GALNTL6: variants seen among roughly 807,000 people sequenced by gnomAD.
GALNTL6 encodes polypeptide N-acetylgalactosaminyltransferase-like 6.
A neutral mutation model predicts 73.7 loss-of-function variants in GALNTL6; 46 were observed. The ratio of observed to expected loss-of-function variants is 0.62; its 90% CI spans 0.49 to 0.80. The LOEUF (loss-of-function observed/expected upper bound fraction) is 0.80, where lower values mean the gene tolerates loss of function less well. Ranked by LOEUF, GALNTL6 falls within the 30% of genes least tolerant of loss-of-function variation. GALNTL6 has a pLI of 0.00. For missense variants in GALNTL6, 604 were observed against 755.0 expected (o/e 0.80, Z 2.34); for synonymous variants, 259 against 263.7 (o/e 0.98, Z 0.17).
At chr4:173,035,306 G>A (rs886523360) in intron 12 of GALNTL6, among the ~76,000 whole-genome samples, 58 of 151,954 alleles carry the variant, frequency 3.8e-4, no homozygotes, top group Non-Finnish European at 6.0e-4. Flanking sequence ...AGCCTCCCGA[G>A]TAGTTGGGAT....
chr4:171,950,103 C>T (rs1486095581), intron 2 of GALNTL6, among the ~76,000 whole-genome samples: 2 of 152,158 alleles, frequency 1.3e-5, no homozygotes, highest in Non-Finnish European at 2.9e-5. Flanking sequence ...AGACTGAGAG[C>T]TGATTCCTCA....
At chr4:172,165,594 T>C (rs1193886198) in intron 2 of GALNTL6, among the ~76,000 whole-genome samples, 1 of 152,168 alleles carries the variant, frequency 6.6e-6, no homozygotes, top group Non-Finnish European at 1.5e-5. Flanking sequence ...GGTAGCACTG[T>C]TTTACTATTT....
intron 5 of GALNTL6, among the ~76,000 whole-genome samples, chr4:172,457,032 A>G (rs1390559558): frequency 1.3e-5 from 2 of 152,162 alleles, no homozygotes; most frequent in African/African-American, 4.8e-5. Context: ...GCCAGAAGAG[A>G]GTGGGGGCCA....
At chr4:172,005,308 G>T (rs1740804833) in intron 2 of GALNTL6, among the ~76,000 whole-genome samples, 1 of 151,818 alleles carries the variant, frequency 6.6e-6, no homozygotes, top group African/African-American at 2.4e-5. Context: ...GGTACTTTTT[G>T]TATAGATGAG....
chr4:172,270,013 G>C (rs1738585803), intron 3 of GALNTL6, among the ~76,000 whole-genome samples: 2 of 152,290 alleles, frequency 1.3e-5, no homozygotes, highest in South Asian at 2.1e-4. Flanking sequence ...TGGGATTACA[G>C]GTATGAGCCA....
At chr4:171,966,561 T>C (rs968011999) in intron 2 of GALNTL6, among the ~76,000 whole-genome samples, 2 of 152,160 alleles carry the variant, frequency 1.3e-5, no homozygotes, top group Non-Finnish European at 1.5e-5. Context: ...CTGGTATTTA[T>C]AGTCTGCTGA....
intron 3 of GALNTL6, among the ~76,000 whole-genome samples, chr4:172,290,918 C>G (rs1055048172): frequency 6.6e-6 from 1 of 151,196 alleles, no homozygotes; most frequent in East Asian, 1.9e-4. Flanking sequence ...ACATAAAAAA[C>G]AAGCAAGAAT....
intron 3 of GALNTL6, among the ~76,000 whole-genome samples, chr4:172,311,365 T>TA (rs1740351070): frequency 1.3e-5 from 2 of 152,190 alleles, no homozygotes; most frequent in South Asian, 4.1e-4. Context: ...AAACGTACAC[T>TA]AAAAATCTTG....
At chr4:172,855,777 G>A (rs369688497) in intron 7 of GALNTL6, among the ~76,000 whole-genome samples, 3 of 152,110 alleles carry the variant, frequency 2.0e-5, no homozygotes, top group South Asian at 4.1e-4. Flanking sequence ...GCTGTTTCCC[G>A]AGGCCACGGG....
intron 4 of GALNTL6, among the ~76,000 whole-genome samples, chr4:172,335,228 C>T (rs141440034): frequency 9.2e-5 from 14 of 152,202 alleles, no homozygotes; most frequent in Admixed American, 2.0e-4. Context: ...ATTCTGTTTA[C>T]GTGTTGAATC....
intron 5 of GALNTL6, chr4:172,380,328 G>A (rs1743233989): frequency 1.2e-5 from 9 of 726,424 alleles, no homozygotes; most frequent in Admixed American, 1.2e-4. Context: ...AATAGTCCAA[G>A]TTTAAAAGTC....
intron 10 of GALNTL6, among the ~76,000 whole-genome samples, chr4:172,976,169 G>T (rs1290433626): frequency 3.3e-5 from 5 of 152,120 alleles, no homozygotes; most frequent in Admixed American, 6.5e-5. Flanking sequence ...AAAGGAGAGA[G>T]AAAATTAAAA....
intron 5 of GALNTL6, among the ~76,000 whole-genome samples, chr4:172,744,842 T>TGC (rs1440665764): frequency 1.6e-5 from 1 of 63,016 alleles, no homozygotes; most frequent in Non-Finnish European, 3.3e-5. Context: ...TGCGCGTGCG[T>TGC]GTGTGTGTGT....
intron 5 of GALNTL6, among the ~76,000 whole-genome samples, chr4:172,628,645 G>C (rs778630685): frequency 6.6e-6 from 1 of 151,934 alleles, no homozygotes; most frequent in Non-Finnish European, 1.5e-5. Flanking sequence ...AGCAGAGATG[G>C]TATATCTCTG....
chr4:171,885,925 CAT>C (rs1736595628), intron 2 of GALNTL6, among the ~76,000 whole-genome samples: 1 of 152,044 alleles, frequency 6.6e-6, no homozygotes, highest in South Asian at 2.1e-4. Flanking sequence ...GTGCATATAA[CAT>C]ATTGTAGAAA....
At position 171,909,155 on chromosome 4, in the gene GALNTL6, T is replaced by C. The variant is rs111777683; in HGVS notation, c.138+94437T>C. Among the ~76,000 whole-genome samples, 4 of 121,628 alleles carry C rather than the reference T, an allele frequency of 3.3e-5. 1 individual carries two copies. Among genetic ancestry groups the C allele is most frequent in the Non-Finnish European group, 7.0e-5 (4 of 56,776 alleles). The allele number at this position is 121,628 out of a possible 152,430, so 79.8% of individuals were successfully genotyped here. A position where few individuals can be genotyped will look rare whatever the true frequency, so the allele number is the denominator to read the frequency against. On this transcript the variant is annotated intron_variant, in intron 2 of 12. Transcript: ENST00000506823. The stretch of plus-strand genomic sequence containing the variant: ...AACTTAAAGTATAATAATAAATAAA[T>C]AAATAAATAAAAAGAAAAAAGAAAA...
intron 2 of GALNTL6, among the ~76,000 whole-genome samples, chr4:172,028,713 C>T (rs569589751): frequency 6.6e-6 from 1 of 151,918 alleles, no homozygotes; most frequent in African/African-American, 2.4e-5. Context: ...GAATGTTTGC[C>T]AAACATGTAA....
chr4:172,128,511 A>G (rs1318019185), intron 2 of GALNTL6, among the ~76,000 whole-genome samples: 1 of 152,230 alleles, frequency 6.6e-6, no homozygotes, highest in Non-Finnish European at 1.5e-5. Context: ...ATTTCTGATA[A>G]TACAGGAACT....
chr4:172,173,429 C>T (rs914892340), intron 2 of GALNTL6, among the ~76,000 whole-genome samples: 1 of 152,180 alleles, frequency 6.6e-6, no homozygotes, highest in African/African-American at 2.4e-5. Flanking sequence ...AGCCCTAGAC[C>T]AGAGGGTGCA....
Sources: allele counts gnomAD v4.1 joint callset (sites outside exome capture counted in the v4.1 genomes callset), GRCh38; gene constraint gnomAD v4.1.1; transcripts MANE v1.5; gene names NCBI Gene and HGNC (gene_info 2026-07-23, HGNC 2026-07-21).